BCKDHB: variants seen among roughly 807,000 people sequenced by gnomAD.
BCKDHB encodes branched chain keto acid dehydrogenase E1 subunit beta.
In BCKDHB, 41 loss-of-function variants were observed where a neutral mutation model predicts 48.5. That is an observed-to-expected ratio of 0.85 (90% CI 0.66 to 1.10). The LOEUF (loss-of-function observed/expected upper bound fraction) is 1.10, where lower values mean the gene tolerates loss of function less well. Among genes scored for constraint, BCKDHB ranks in the 50% least tolerant of loss-of-function variants. The pLI is 0.00. For synonymous variants in BCKDHB, 201 were observed against 174.8 expected (o/e 1.15, Z -1.18); for missense variants, 496 against 494.2 (o/e 1.00, Z -0.03).
chr6:80,217,180 G>T (rs1775211586), intron 8 of BCKDHB, among the ~76,000 whole-genome samples: 1 of 152,118 alleles, frequency 6.6e-6, no homozygotes, highest in Non-Finnish European at 1.5e-5. Flanking sequence ...GGCAGAGGTT[G>T]CAGTGAGCCG....
intron 6 of BCKDHB, among the ~76,000 whole-genome samples, chr6:80,175,661 G>T (rs1582289127): frequency 1.3e-5 from 2 of 152,302 alleles, no homozygotes; most frequent in East Asian, 3.9e-4. Flanking sequence ...TTTTAGGTTA[G>T]TTGAATAAGC....
At chr6:80,336,387 A>C (rs1477434622) in intron 9 of BCKDHB, among the ~76,000 whole-genome samples, 1 of 151,772 alleles carries the variant, frequency 6.6e-6, no homozygotes, top group Non-Finnish European at 1.5e-5. Flanking sequence ...TTCTAACTTC[A>C]AAAAATAAGC....
intron 6 of BCKDHB, among the ~76,000 whole-genome samples, chr6:80,180,459 A>G (rs879086384): frequency 6.6e-6 from 1 of 152,192 alleles, no homozygotes; most frequent in African/African-American, 2.4e-5. Flanking sequence ...TGTGAAGAAG[A>G]TATTCTTTAA....
chr6:80,221,663 TG>T (rs1420551173), intron 8 of BCKDHB, among the ~76,000 whole-genome samples: 43 of 152,174 alleles, frequency 2.8e-4, no homozygotes, highest in African/African-American at 8.9e-4. Flanking sequence ...TGATGATGAA[TG>T]AAAAAAATGA....
Position 80,168,903 on chromosome 6 carries a change from A to T in BCKDHB, c.506A>T (p.Tyr169Phe). Residue 169 changes from tyrosine to phenylalanine, a missense_variant, in exon 5 of 10, where the codon TAT becomes TTT. Physicochemically the swap from Tyr to Phe is conservative, Grantham distance 22. Transcript: ENST00000320393. ...GTTAATGAAGCTGCCAAGTATCGCT[A>T]TCGCTCTGGGGATCTTTTTAACTGT... ...QIVNEAAKYRYRSGDLFNCGS... is the reference protein window; with the variant it reads ...QIVNEAAKYRFRSGDLFNCGS... 2 of 1,614,100 alleles carry T rather than the reference A, an allele frequency of 1.2e-6. No homozygotes were observed. The highest frequency in any genetic ancestry group is 1.7e-6 in the Non-Finnish European group (2 of 1,179,988).
intron 6 of BCKDHB, 27 bp downstream of exon 6, chr6:80,171,417 G>A: frequency 3.6e-6 from 5 of 1,376,680 alleles, no homozygotes; most frequent in Non-Finnish European, 5.1e-6. Context: ...TTTTATATTT[G>A]TGAATATCTT....
At chr6:80,351,643 T>C in the BCKDHB span, among the ~76,000 whole-genome samples, 5 of 77,442 alleles carry the variant, frequency 6.5e-5, no homozygotes, top group East Asian at 8.0e-4. Flanking sequence ...ATTTTTTTTT[T>C]TCTTTTTTTT....
intron 9 of BCKDHB, among the ~76,000 whole-genome samples, chr6:80,285,106 G>A (rs1368755607): frequency 6.6e-6 from 1 of 152,062 alleles, no homozygotes; most frequent in South Asian, 2.1e-4. Flanking sequence ...TCCTGCCTCT[G>A]CACTCTGACA....
At chr6:80,340,126 C>A (rs946982811) in intron 9 of BCKDHB, among the ~76,000 whole-genome samples, 3 of 152,040 alleles carry the variant, frequency 2.0e-5, no homozygotes, top group African/African-American at 7.2e-5. Context: ...TCTCCTGTTG[C>A]AAAAAGGCAT....
intron 9 of BCKDHB, among the ~76,000 whole-genome samples, chr6:80,340,200 ACTTTT>A (rs758675165): frequency 2.6e-5 from 4 of 152,352 alleles, no homozygotes; most frequent in East Asian, 3.9e-4. Flanking sequence ...AGAAATAGCT[ACTTTT>A]CTTTAAGCAC....
At chr6:80,340,473 A>C (rs1769830499) in intron 9 of BCKDHB, among the ~76,000 whole-genome samples, 1 of 152,214 alleles carries the variant, frequency 6.6e-6, no homozygotes, top group Non-Finnish European at 1.5e-5. Context: ...GTGGGGAGAA[A>C]GACCATAAAC....
At chr6:80,245,392 A>G (rs1245906326) in intron 8 of BCKDHB, among the ~76,000 whole-genome samples, 6 of 152,162 alleles carry the variant, frequency 3.9e-5, no homozygotes, top group African/African-American at 7.2e-5. Context: ...AAAATCCCCC[A>G]AAAGCTCAGG....
chr6:80,414,009 G>T, the BCKDHB span, among the ~76,000 whole-genome samples: 1 of 152,004 alleles, frequency 6.6e-6, no homozygotes, highest in Admixed American at 6.6e-5. Context: ...GATGTGAGAT[G>T]GTATCTCGTT....
At chr6:80,355,070 G>C in the BCKDHB span, among the ~76,000 whole-genome samples, 1 of 152,078 alleles carries the variant, frequency 6.6e-6, no homozygotes, top group African/African-American at 2.4e-5. Flanking sequence ...GGATTTCATT[G>C]AATCTGTAGA....
intron 8 of BCKDHB, among the ~76,000 whole-genome samples, chr6:80,271,731 G>C (rs1777752827): frequency 6.6e-6 from 1 of 151,840 alleles, no homozygotes; most frequent in South Asian, 2.1e-4. Flanking sequence ...AGAGCTATAA[G>C]AGTGGTCTGA....
At chr6:80,379,244 C>T in the BCKDHB span, among the ~76,000 whole-genome samples, 4 of 151,990 alleles carry the variant, frequency 2.6e-5, no homozygotes, top group African/African-American at 9.7e-5. Flanking sequence ...CCATCAAAAT[C>T]ACATGGGCTT....
chr6:80,424,498 AC>A, the BCKDHB span, among the ~76,000 whole-genome samples: 1 of 152,226 alleles, frequency 6.6e-6, no homozygotes, highest in Admixed American at 6.5e-5. Context: ...TAATTTCATT[AC>A]ATAATTAATT....
intron 8 of BCKDHB, among the ~76,000 whole-genome samples, chr6:80,263,810 G>T (rs1175496344): frequency 2.0e-5 from 3 of 152,080 alleles, no homozygotes; most frequent in Non-Finnish European, 4.4e-5. Flanking sequence ...GTTTTGGTTA[G>T]GGTCACTTTC....
intron 8 of BCKDHB, among the ~76,000 whole-genome samples, chr6:80,209,368 G>GC (rs1300546406): frequency 1.8e-4 from 28 of 152,040 alleles, no homozygotes; most frequent in African/African-American, 6.0e-4. Flanking sequence ...TTAGTGGATT[G>GC]TAAGGCCAAG....
Sources: gnomAD v4.1 joint callset for allele counts (sites outside exome capture counted in the v4.1 genomes callset) on GRCh38, gnomAD v4.1.1 for gene constraint, MANE v1.5 for transcripts, NCBI Gene and HGNC (gene_info 2026-07-23, HGNC 2026-07-21) for gene names.